ITGB7: variants seen among roughly 807,000 people sequenced by gnomAD.
ITGB7 encodes the protein integrin beta-7.
Under a neutral mutation model 83.4 loss-of-function variants are expected in ITGB7, and 55 were observed. The observed-to-expected ratio is 0.66, with a 90% confidence interval of 0.53 to 0.83. ITGB7 has a LOEUF of 0.83. Ranked by LOEUF, ITGB7 falls within the 40% of genes least tolerant of loss-of-function variation. The probability of loss-of-function intolerance (pLI) is 0.00; values close to 1 mark genes in which losing one functional copy is unlikely to be tolerated. For missense variants in ITGB7, 921 were observed against 1,046.7 expected (o/e 0.88, Z 1.66); for synonymous variants, 454 against 423.6 (o/e 1.07, Z -0.88).
At position 53,194,266 on chromosome 12, in the gene ITGB7, C is replaced by T; in HGVS notation, c.1240G>A (p.Gly414Ser). 2 of 1,614,040 alleles carry T rather than the reference C, an allele frequency of 1.2e-6. No individual in the cohort carries two copies. Among genetic ancestry groups the T allele is most frequent in the Non-Finnish European group, 1.7e-6 (2 of 1,180,000 alleles). The change falls in exon 10 of 16, where the codon GGT (glycine) becomes AGT (serine). Residue 414 changes from glycine (G) to serine (S), a missense_variant. By Grantham distance (56) the Gly-to-Ser change is moderately conservative. Coordinates refer to ENST00000267082, the MANE Select transcript of ITGB7 (RefSeq NM_000889.3). ...VHISYESQCE[G>S]PEKREGKAED... is the part of the protein sequence containing the mutation. ...GCCTTACCCTCCCTCTTCTCAGGAC[C>T]CTCACACTGGGATTCGTAAGAAATG...
At position 53,193,421 on chromosome 12, in the gene ITGB7, GTC is replaced by G. The variant is rs1256117715; in HGVS notation, c.1503-60_1503-59del. The G allele has an allele frequency of 3.9e-6, 5 of 1,271,094 alleles. No individual in the cohort carries two copies. The East Asian group carries it at 1.3e-4, about 32-fold the overall frequency. 78.7% of individuals were successfully genotyped at this position (1,271,094 alleles called of 1,614,324 possible). On this transcript the variant is annotated intron_variant, in intron 11 of 15. Coordinates refer to ENST00000267082, the MANE Select transcript of ITGB7 (RefSeq NM_000889.3). Reference sequence around the variant, plus strand: ...CAGAGGGTTTGATCACCCCTGACTTGTCTCTCCCAGGAACCTCTAAACCCAAG... The same window carrying G: ...CAGAGGGTTTGATCACCCCTGACTTGTCTCCCAGGAACCTCTAAACCCAAG...
chr12:53,193,945 C>T, intron 10 of ITGB7, 44 bp from the exon 11 acceptor site: 3 of 1,540,406 alleles, frequency 1.9e-6, no homozygotes, highest in Non-Finnish European at 2.7e-6. Flanking sequence ...CACATGCACA[C>T]ACACATACCC....
Position 53,193,156 on chromosome 12 carries a change from C to T in ITGB7, c.1710G>A (p.Glu570=), listed in dbSNP as rs532145547. The T allele has an allele frequency of 8.1e-6, 13 of 1,611,642 alleles. No homozygotes were observed. In the South Asian group the frequency reaches 1.2e-4, roughly 15 times the overall value. The part of the protein sequence containing the change: ...ECDDASCERH[E]GILCGGFGRC... The stretch of plus-strand genomic sequence containing the variant: ...TCCAGGTACCTCCGCAGAGGATGCC[C>T]TCATGTCGCTCACAGCTGGCATCGT... The change falls in exon 12 of 16, where the codon GAG becomes GAA. Residue 570 remains glutamate (E), a synonymous_variant. Transcript: ENST00000267082.
chr12:53,192,204 CT>C, intron 14 of ITGB7, 125 bp downstream of exon 14: 1 of 1,248,412 alleles, frequency 8.0e-7, no homozygotes. Context: ...TTGCCTCTGC[CT>C]TTGTCCTGGA....
Position 53,197,622 on chromosome 12 carries a change from C to T in ITGB7, c.445G>A (p.Gly149Arg). Reference sequence around the variant, plus strand: ...AGGTAGTACAGGTCCACCGGGTATCCCTCAGCACGAAGGAAGCGGACCTGG... The same window carrying T: ...AGGTAGTACAGGTCCACCGGGTATCTCTCAGCACGAAGGAAGCGGACCTGG... Reference protein sequence around the residue: ...QLQVRFLRAEGYPVDLYYLMD... With the variant: ...QLQVRFLRAERYPVDLYYLMD... Residue 149 changes from glycine to arginine, a missense_variant, in exon 5 of 16, where the codon GGA becomes AGA. Gly to Arg is a moderately radical substitution (Grantham distance 125). Coordinates refer to ENST00000267082, the MANE Select transcript of ITGB7 (RefSeq NM_000889.3). 6.2e-7 allele frequency: 1 copy of T among 1,614,140 alleles called. No homozygotes were observed. Among genetic ancestry groups the T allele is most frequent in the Non-Finnish European group, 8.5e-7 (1 of 1,179,990 alleles).
At chr12:53,194,100 G>T in intron 10 of ITGB7, 98 bp downstream of exon 10, 1 of 1,533,364 alleles carries the variant, frequency 6.5e-7, no homozygotes, top group Non-Finnish European at 8.9e-7. Context: ...AGGCTCTCAT[G>T]TCACTCCCTG....
Position 53,195,630 on chromosome 12 carries a change from TAGAC to T in ITGB7, c.1063_1066del (p.Val355ThrfsTer4), listed in dbSNP as rs1565702399. On this transcript the variant is annotated frameshift_variant, in exon 8 of 16. Transcript: ENST00000267082. LOFTEE classifies it high-confidence loss of function. ...TGACATGTAGACAGCTCTCACCTGG[TAGAC>T]AGGCAGTGCGGCACTGGTGACAGCA... The T allele has an allele frequency of 7.4e-6, 12 of 1,613,240 alleles. No homozygotes were observed. Among genetic ancestry groups the T allele is most frequent in the Middle Eastern group, 3.3e-4 (2 of 6,084 alleles).
intron 14 of ITGB7, 120 bp from the exon 15 acceptor site, chr12:53,192,139 G>A (rs1941976811): frequency 2.3e-6 from 3 of 1,319,904 alleles, no homozygotes; most frequent in Non-Finnish European, 3.1e-6. Context: ...GGGAACCCAG[G>A]GAGGTCCAAG....
At chr12:53,206,721 AG>A (rs1315133617) in intron 1 of ITGB7, 3 of 152,244 alleles carry the variant, frequency 2.0e-5, no homozygotes, top group Admixed American at 6.5e-5. Context: ...AGTCACAAGG[AG>A]GGGACGGAAC....
At chr12:53,196,508 T>C (rs1283714673) in intron 6 of ITGB7, 71 bp downstream of exon 6, 1 of 1,544,074 alleles carries the variant, frequency 6.5e-7, no homozygotes, top group Non-Finnish European at 8.8e-7. Flanking sequence ...AACTGTGCAC[T>C]ACACAACCAT....
chr12:53,191,654 A>G lies in ITGB7; in HGVS notation c.2317-18T>C. ...TTACTGTCCTGGAGAAAGATGTTGC[A>G]GATTATAAGCAAAAATCCCAGGATT... is the stretch of plus-strand genomic sequence containing the variant. On this transcript the variant is annotated intron_variant, in intron 15 of 15. Coordinates refer to ENST00000267082, the MANE Select transcript of ITGB7 (RefSeq NM_000889.3). 6.2e-7 allele frequency: 1 copy of G among 1,606,900 alleles called. No homozygotes were observed. The highest frequency in any genetic ancestry group is 8.5e-7 in the Non-Finnish European group (1 of 1,173,422).
intron 3 of ITGB7, among the ~76,000 whole-genome samples, chr12:53,199,513 A>ACCCCTC (rs1942269264): frequency 3.5e-5 from 5 of 143,960 alleles, no homozygotes; most frequent in African/African-American, 7.8e-5. Context: ...CTGCACCCCT[A>ACCCCTC]CCCCTCCCCA....
intron 10 of ITGB7, 136 bp from the exon 11 acceptor site, chr12:53,194,037 G>A (rs547008199): frequency 7.7e-7 from 1 of 1,293,142 alleles, no homozygotes; most frequent in African/African-American, 1.5e-5. Context: ...CTAGAAACAT[G>A]CCTGAGGAAG....
rs74399160 is a variant in ITGB7, at chr12:53,196,347, T to G, written c.817-148A>C. ...TCCAGTACCTTGCTTCTCCCTGCTC[T>G]CTCCAGCCCCCTAAAGAAGGCTGCT... On this transcript the variant is annotated intron_variant, in intron 6 of 15. Transcript: ENST00000267082. 3.6e-3 allele frequency: 3,748 copies of G among 1,044,968 alleles called. 69 individuals are homozygous for G. Among genetic ancestry groups the G allele is most frequent in the African/African-American group, 0.026 (1,639 of 62,356 alleles). 64.7% of individuals were successfully genotyped at this position (1,044,968 alleles called of 1,614,324 possible). A position where few individuals can be genotyped will look rare whatever the true frequency, so the allele number is the denominator to read the frequency against.
chr12:53,199,765 C>T (rs763524670), intron 3 of ITGB7, among the ~76,000 whole-genome samples: 13 of 150,358 alleles, frequency 8.6e-5, no homozygotes, highest in Non-Finnish European at 1.2e-4. Context: ...AACTGAGGAA[C>T]CAAATCAGCC....
chr12:53,195,814 C>T, intron 7 of ITGB7, 93 bp from the exon 8 acceptor site: 2 of 1,190,614 alleles, frequency 1.7e-6, no homozygotes, highest in Non-Finnish European at 2.5e-6. Context: ...AACCAAGGTT[C>T]CACCAGCTGG....
chr12:53,191,458 G>T lies in ITGB7; in HGVS notation c.*98C>A. 1 of 945,548 alleles carries T rather than the reference G, an allele frequency of 1.1e-6. No homozygotes were observed. The highest frequency in any genetic ancestry group is 1.7e-6 in the Non-Finnish European group (1 of 574,406). The allele number at this position is 945,548 out of a possible 1,614,324, so 58.6% of individuals were successfully genotyped here. A position where few individuals can be genotyped will look rare whatever the true frequency, so the allele number is the denominator to read the frequency against. On this transcript the variant is annotated 3_prime_UTR_variant, in exon 16 of 16. Transcript: ENST00000267082. ...GTGGCCGCACCTCGCCAGTGAATTA[G>T]TCCCCTACCAAGGTCTTACAGACCC...
At position 53,193,306 on chromosome 12, in the gene ITGB7, G is replaced by C; in HGVS notation, c.1560C>G (p.Ser520=). The change falls in exon 12 of 16, where the codon TCC becomes TCG. Residue 520 remains serine (S), a synonymous_variant. Transcript: ENST00000267082. Reference sequence around the variant, plus strand: ...CCCGGCACCCAGATTCCAGGTCTGGGGAGGACAGCTCTGCCACAGAGCACT... The same window carrying C: ...CCCGGCACCCAGATTCCAGGTCTGGCGAGGACAGCTCTGCCACAGAGCACT... ...LCECSVAELS[S]PDLESGCRAP... 6.2e-7 allele frequency: 1 copy of C among 1,611,408 alleles called. No individual in the cohort carries two copies. Among genetic ancestry groups the C allele is most frequent in the East Asian group, 2.2e-5 (1 of 44,782 alleles).
At chr12:53,206,267 C>T (rs1942441479) in intron 1 of ITGB7, among the ~76,000 whole-genome samples, 2 of 152,176 alleles carry the variant, frequency 1.3e-5, no homozygotes, top group Non-Finnish European at 2.9e-5. Context: ...CTTCATAGGG[C>T]TATTTTACTT....
Sources: allele counts gnomAD v4.1 joint callset (sites outside exome capture counted in the v4.1 genomes callset), GRCh38; gene constraint gnomAD v4.1.1; transcripts MANE v1.5; gene names NCBI Gene and HGNC (gene_info 2026-07-23, HGNC 2026-07-21).